Variants in DCAF5 observed in about 807,000 individuals in gnomAD.
DCAF5 encodes the protein DDB1 and CUL4 associated factor 5, also known as DDB1- and CUL4-associated factor 5.
A neutral mutation model predicts 80.7 loss-of-function variants in DCAF5; 9 were observed. The ratio of observed to expected loss-of-function variants is 0.11; its 90% CI spans 0.07 to 0.19. The LOEUF is 0.19. Among genes scored for constraint, DCAF5 ranks in the 10% least tolerant of loss-of-function variants. The probability of loss-of-function intolerance (pLI) is 1.00; values close to 1 mark genes in which losing one functional copy is unlikely to be tolerated. For missense variants in DCAF5, 842 were observed against 1,205.7 expected, an observed-to-expected ratio of 0.70 and a Z score of 4.47; for synonymous variants, 433 against 461.9, an observed-to-expected ratio of 0.94 and a Z score of 0.80.
At chr14:69,063,880 A>G (rs2038331247) in intron 7 of DCAF5, among the ~76,000 whole-genome samples, 1 of 152,360 alleles carries the variant, frequency 6.6e-6, no homozygotes, top group South Asian at 2.1e-4. Flanking sequence ...GATGGGTGAC[A>G]AAATTTTTCT....
chr14:69,110,364 G>T (rs2040316468), intron 5 of DCAF5, among the ~76,000 whole-genome samples: 1 of 150,304 alleles, frequency 6.7e-6, no homozygotes, highest in Admixed American at 6.6e-5. Flanking sequence ...CCACCTCCTG[G>T]GTTCAAGCCT....
At position 69,054,641 on chromosome 14, in the gene DCAF5, G is replaced by T; in HGVS notation, c.2045C>A (p.Thr682Asn). The change falls in exon 9 of 9, where the codon ACC becomes AAC. Residue 682 changes from threonine to asparagine, a missense_variant. Around this residue, in one of 5 missense-constraint regions of DCAF5, gnomAD observed 607 missense variants for 656.6 expected, o/e 0.92. Transcript: ENST00000341516. ...ISYSNNKDGE[T>N]SLVTGEADEG... ...ATCTGCCTCCCCGGTCACCAAGGAG[G>T]TCTCTCCATCTTTGTTATTTGAGTA... 1 of 1,614,166 alleles carries T rather than the reference G, an allele frequency of 6.2e-7. No individual in the cohort carries two copies. Among genetic ancestry groups the T allele is most frequent in the Non-Finnish European group, 8.5e-7 (1 of 1,180,006 alleles).
In DCAF5 at chr14:69,055,594, C is replaced by T. The variant is rs1320131706; in HGVS notation, c.1092G>A (p.Lys364=). 2 of 1,601,010 alleles carry T rather than the reference C, an allele frequency of 1.2e-6. No individual in the cohort carries two copies. Among genetic ancestry groups the T allele is most frequent in the African/African-American group, 2.7e-5 (2 of 74,670 alleles). ...EKIIKIWSPY[K]QPGCTGDLDG... ...CGAGGTCTCCAGTACATCCTGGCTG[C>T]TTGTATGGGCTCCAGATCTGAACAG... The change falls in exon 9 of 9, where the codon AAG becomes AAA. Residue 364 remains lysine (K), a synonymous_variant. Coordinates refer to ENST00000341516, the MANE Select transcript of DCAF5 (RefSeq NM_003861.3). This position sits in a 1 kb window ranked among gnomAD's most constrained non-coding sequence, Gnocchi z 5.6.
rs562903857 is a variant in DCAF5, at chr14:69,131,618, C to T, written c.215-9258G>A. 3.2e-4 allele frequency among the ~76,000 whole-genome samples: 48 copies of T among 152,186 alleles called. 1 individual carries two copies. Among genetic ancestry groups the T allele is most frequent in the Middle Eastern group, 3.4e-3 (1 of 294 alleles). ...CGTATCAGAGAGGTAAAATGACTTG[C>T]TAATAATCCAAAGAGCTTGGCCTGG... On this transcript the variant is annotated intron_variant, in intron 1 of 8. Coordinates refer to ENST00000341516, the MANE Select transcript of DCAF5 (RefSeq NM_003861.3).
chr14:69,116,538 T>A (rs758603243), intron 4 of DCAF5, 43 bp from the exon 5 acceptor site: 2 of 1,593,496 alleles, frequency 1.3e-6, no homozygotes, highest in Non-Finnish European at 1.7e-6. Flanking sequence ...CAGGTACCTG[T>A]GGGCCACTGG....
At position 69,062,753 on chromosome 14, in the gene DCAF5, C is replaced by T. The variant is rs529160428; in HGVS notation, c.947-242G>A. On this transcript the variant is annotated intron_variant, in intron 7 of 8. Transcript: ENST00000341516. ...AAGCATTGCCCACACTCACCCACTG[C>T]AATTCCATTGTCAATGAAACCAAAG... Among the ~76,000 whole-genome samples the T allele has an allele frequency of 2.0e-5, 3 of 152,280 alleles. No individual in the cohort carries two copies. The East Asian group carries it at 5.8e-4, about 29-fold the overall frequency.
Position 69,134,177 on chromosome 14 carries a change from G to A in DCAF5, c.215-11817C>T, listed in dbSNP as rs76839837. On this transcript the variant is annotated intron_variant, in intron 1 of 8. Transcript: ENST00000341516. The stretch of plus-strand genomic sequence containing the variant: ...GCACACTGCCAGTTACAGGCAGAGT[G>A]GGATTCAAATCCAAGATGTCTGAGT... Among the ~76,000 whole-genome samples the A allele has an allele frequency of 7.6e-3, 1,164 of 152,272 alleles. 17 individuals are homozygous for A. Among genetic ancestry groups the A allele is most frequent in the African/African-American group, 0.027 (1,107 of 41,542 alleles).
chr14:69,090,270 C>A (rs757203993), intron 6 of DCAF5: 4 of 247,784 alleles, frequency 1.6e-5, no homozygotes, highest in Non-Finnish European at 2.6e-5. Flanking sequence ...TATTGAGAGT[C>A]TGATCGCCTA....
intron 5 of DCAF5, among the ~76,000 whole-genome samples, chr14:69,112,367 A>T (rs897556191): frequency 2.6e-5 from 4 of 152,108 alleles, no homozygotes; most frequent in African/African-American, 4.8e-5. Context: ...ATTTGAAAGG[A>T]ATTCTGAAAA....
intron 6 of DCAF5, among the ~76,000 whole-genome samples, chr14:69,078,680 T>C (rs1192093188): frequency 1.3e-5 from 2 of 152,132 alleles, no homozygotes; most frequent in African/African-American, 4.8e-5. Flanking sequence ...AAATACTATA[T>C]GATCCTACTA....
chr14:69,075,244 T>C (rs1173888326), intron 7 of DCAF5, 101 bp downstream of exon 7: 2 of 787,950 alleles, frequency 2.5e-6, no homozygotes, highest in Non-Finnish European at 4.0e-6. Context: ...ATGTTAGAAA[T>C]GTTGTCCTCT....
At chr14:69,100,412 T>G (rs2039908490) in intron 5 of DCAF5, among the ~76,000 whole-genome samples, 1 of 152,184 alleles carries the variant, frequency 6.6e-6, no homozygotes, top group Non-Finnish European at 1.5e-5. Flanking sequence ...AATGCTAAAT[T>G]TGAAATCCAG....
rs557844221 is a variant in DCAF5 at position 69,114,701 on chromosome 14, TA to T, written c.665+1664del. On this transcript the variant is annotated intron_variant, in intron 5 of 8. Coordinates refer to ENST00000341516, the MANE Select transcript of DCAF5 (RefSeq NM_003861.3). ...TTTTTTGTTTTTATTTTTTTCTGCA[TA>T]AAACCCCCAAACCAATAAATGTCAC... 1.8e-3 allele frequency among the ~76,000 whole-genome samples: 268 copies of T among 152,188 alleles called. 1 individual carries two copies. The highest frequency in any genetic ancestry group is 6.2e-3 in the African/African-American group (257 of 41,526).
intron 1 of DCAF5, among the ~76,000 whole-genome samples, chr14:69,131,221 TA>T (rs1328085127): frequency 6.6e-6 from 1 of 152,248 alleles, no homozygotes; most frequent in Admixed American, 6.5e-5. Context: ...CAATTTTACT[TA>T]ATACCCTTTC....
chr14:69,064,344 C>G (rs1254801558), intron 7 of DCAF5, among the ~76,000 whole-genome samples: 1 of 152,162 alleles, frequency 6.6e-6, no homozygotes, highest in Non-Finnish European at 1.5e-5. Flanking sequence ...TCTACCTCTA[C>G]TCCCACTGGG....
At chr14:69,105,914 C>CTCATATATATATATATATATATAT (rs1436594366) in intron 5 of DCAF5, among the ~76,000 whole-genome samples, 1 of 49,970 alleles carries the variant, frequency 2.0e-5, no homozygotes, top group East Asian at 2.5e-3. Context: ...AATAAACTGT[C>CTCATATATATATATATATATATAT]ATATATATAT....
In DCAF5 at chr14:69,054,166, A is replaced by G; in HGVS notation, c.2520T>C (p.Arg840=). ...ANHNNGRLHP[R]PPHPHNNGQN... is the part of the protein sequence containing the mutation. ...GCCCGTTATTGTGAGGGTGAGGGGG[A>G]CGAGGGTGTAAGCGTCCATTGTTGT... Residue 840 remains arginine (R), a synonymous_variant, in exon 9 of 9, where the codon CGT becomes CGC. Transcript: ENST00000341516. 2 of 1,614,124 alleles carry G rather than the reference A, an allele frequency of 1.2e-6. No homozygotes were observed. Among genetic ancestry groups the G allele is most frequent in the East Asian group, 2.2e-5 (1 of 44,874 alleles).
chr14:69,065,647 G>C (rs145033296), intron 7 of DCAF5, among the ~76,000 whole-genome samples: 56 of 152,338 alleles, frequency 3.7e-4, no homozygotes, highest in African/African-American at 1.3e-3. Flanking sequence ...TGATATTATT[G>C]AATATAGCTG....
chr14:69,100,885 G>C (rs1460720427), intron 5 of DCAF5, among the ~76,000 whole-genome samples: 1 of 152,150 alleles, frequency 6.6e-6, no homozygotes, highest in Non-Finnish European at 1.5e-5. Context: ...GTCAAACCTG[G>C]AATTACAAAA....
Sources: allele counts gnomAD v4.1 joint callset (sites outside exome capture counted in the v4.1 genomes callset), GRCh38; gene constraint gnomAD v4.1.1; regional missense constraint gnomAD v4.1.1; non-coding constraint Gnocchi (gnomAD v3.1); transcripts MANE v1.5; gene names NCBI Gene and HGNC (gene_info 2026-07-23, HGNC 2026-07-21).